LY86: variants seen among roughly 807,000 people sequenced by gnomAD.
The protein encoded by LY86 is MD-1, RP105-associated.
LY86 carries 20 observed loss-of-function variants against 17.3 expected under a neutral mutation model. That is an observed-to-expected ratio of 1.15 (90% confidence interval 0.81 to 1.68). LY86 has a LOEUF of 1.68. LY86 is among the 40% of genes most tolerant of loss of function. The pLI is 0.00. For missense variants in LY86, 200 were observed against 191.9 expected, an observed-to-expected ratio of 1.04 and a Z score of -0.25; for synonymous variants, 74 against 70.6, an observed-to-expected ratio of 1.05 and a Z score of -0.24.
At chr6:6,592,734 G>A (rs1073898) in intron 1 of LY86, among the ~76,000 whole-genome samples, 45,528 of 152,080 alleles carry the variant, frequency 0.3, 8,533 homozygotes, top group Non-Finnish European at 0.42. Context: ...CAATGAGAAG[G>A]TGGCTGTCTG....
intron 2 of LY86, among the ~76,000 whole-genome samples, chr6:6,625,798 G>A (rs1761774226): frequency 1.3e-5 from 2 of 152,140 alleles, no homozygotes; most frequent in South Asian, 2.1e-4. Flanking sequence ...TAGAAGAGTG[G>A]GTGGAACATA....
At chr6:6,647,924 T>C (rs1283148870) in intron 3 of LY86, among the ~76,000 whole-genome samples, 1 of 151,814 alleles carries the variant, frequency 6.6e-6, no homozygotes, top group African/African-American at 2.4e-5. Context: ...TTCCAAGGAT[T>C]CTTATTAACC....
intron 1 of LY86, chr6:6,591,139 C>G (rs995941338): frequency 6.5e-6 from 1 of 153,798 alleles, no homozygotes; most frequent in Non-Finnish European, 1.5e-5. Flanking sequence ...CACAGCTGAT[C>G]TGTCTCCCAG....
At chr6:6,633,699 G>A (rs1761926687) in intron 3 of LY86, among the ~76,000 whole-genome samples, 1 of 151,998 alleles carries the variant, frequency 6.6e-6, no homozygotes, top group Non-Finnish European at 1.5e-5. Flanking sequence ...ACCTGGTTCT[G>A]GCCAAATTTC....
intron 3 of LY86, among the ~76,000 whole-genome samples, chr6:6,641,106 A>G (rs1762033425): frequency 6.6e-6 from 1 of 152,226 alleles, no homozygotes; most frequent in South Asian, 2.1e-4. Context: ...GAACACGCTG[A>G]CCCTTCACAC....
intron 3 of LY86, among the ~76,000 whole-genome samples, chr6:6,636,365 C>A (rs11964772): frequency 1.5e-3 from 234 of 152,228 alleles, no homozygotes; most frequent in African/African-American, 5.3e-3. Context: ...TGGGATAATA[C>A]ACATATAGCC....
intron 3 of LY86, among the ~76,000 whole-genome samples, chr6:6,627,128 C>T (rs1479821548): frequency 1.3e-5 from 2 of 152,104 alleles, no homozygotes; most frequent in Non-Finnish European, 2.9e-5. Flanking sequence ...TGTCCTTCCC[C>T]AGGAGTGGTT....
intron 1 of LY86, among the ~76,000 whole-genome samples, chr6:6,601,267 G>C (rs550954742): frequency 6.6e-6 from 1 of 152,264 alleles, no homozygotes; most frequent in African/African-American, 2.4e-5. Flanking sequence ...AACAGGCAAC[G>C]GAGAGAGAAG....
intron 1 of LY86, among the ~76,000 whole-genome samples, chr6:6,611,800 CT>C (rs35338398): frequency 0.3 from 45,959 of 152,168 alleles, 7,126 homozygotes; most frequent in South Asian, 0.36. Context: ...GCTCAAAAAG[CT>C]TTAACAATCG....
At chr6:6,622,909 C>A (rs1288521816) in intron 1 of LY86, 12 of 152,140 alleles carry the variant, frequency 7.9e-5, no homozygotes, top group Admixed American at 4.6e-4. Context: ...TGCACAATAC[C>A]CGGGAGCAAT....
At chr6:6,631,151 C>T (rs1194324304) in intron 3 of LY86, among the ~76,000 whole-genome samples, 3 of 152,148 alleles carry the variant, frequency 2.0e-5, no homozygotes, top group Non-Finnish European at 4.4e-5. Context: ...AACATCCAGG[C>T]CATACCCCAG....
intron 1 of LY86, among the ~76,000 whole-genome samples, chr6:6,608,576 T>A (rs1209437367): frequency 4.6e-5 from 7 of 152,252 alleles, no homozygotes; most frequent in Non-Finnish European, 8.8e-5. Flanking sequence ...AGCTTAAGCC[T>A]GGGCAAAAGT....
intron 3 of LY86, among the ~76,000 whole-genome samples, chr6:6,634,476 A>G (rs545386794): frequency 2.0e-5 from 3 of 152,378 alleles, no homozygotes; most frequent in South Asian, 2.1e-4. Flanking sequence ...CATAAGGCAG[A>G]TATTTTTGTG....
At chr6:6,598,069 C>T (rs887495549) in intron 1 of LY86, among the ~76,000 whole-genome samples, 3 of 152,148 alleles carry the variant, frequency 2.0e-5, no homozygotes, top group East Asian at 3.8e-4. Flanking sequence ...TCAATTTAGT[C>T]GTCTTATATT....
intron 4 of LY86, among the ~76,000 whole-genome samples, chr6:6,652,062 A>G (rs1216280043): frequency 1.3e-5 from 2 of 150,000 alleles, no homozygotes; most frequent in East Asian, 1.9e-4. Context: ...TCTCAAAAAA[A>G]AAAAAAAAAA....
At chr6:6,628,142 C>T (rs1561789126) in intron 3 of LY86, among the ~76,000 whole-genome samples, 2 of 152,080 alleles carry the variant, frequency 1.3e-5, no homozygotes, top group African/African-American at 4.8e-5. Context: ...TGCATTTCCT[C>T]AGAATGGTGA....
At chr6:6,603,407 GTCT>G (rs1367805310) in intron 1 of LY86, among the ~76,000 whole-genome samples, 4 of 151,730 alleles carry the variant, frequency 2.6e-5, no homozygotes, top group African/African-American at 4.8e-5. Context: ...TGTATGGGCA[GTCT>G]TCTTGTCTAC....
chr6:6,621,602 T>G (rs1194965687), intron 1 of LY86: 1 of 152,218 alleles, frequency 6.6e-6, no homozygotes, highest in Non-Finnish European at 1.5e-5. Flanking sequence ...GCTACTGGCA[T>G]CTGGTGGGTA....
At chr6:6,642,502 G>A (rs903279014) in intron 3 of LY86, among the ~76,000 whole-genome samples, 11 of 152,176 alleles carry the variant, frequency 7.2e-5, no homozygotes, top group Non-Finnish European at 2.9e-5. Flanking sequence ...CACACTGCCT[G>A]GAATCCATGG....
Sources: gnomAD v4.1 joint callset for allele counts (sites outside exome capture counted in the v4.1 genomes callset) on GRCh38, gnomAD v4.1.1 for gene constraint, MANE v1.5 for transcripts, NCBI Gene and HGNC (gene_info 2026-07-23, HGNC 2026-07-21) for gene names.